Variants in CARMIL2 observed in about 807,000 individuals in gnomAD.
CARMIL2 encodes capping protein, Arp2/3 and myosin-I linker protein 2.
In CARMIL2, 96 loss-of-function variants were observed where a neutral mutation model predicts 173.3. The ratio of observed to expected loss-of-function variants is 0.55; its 90% CI spans 0.47 to 0.66. The LOEUF (loss-of-function observed/expected upper bound fraction) is 0.66, where lower values mean the gene tolerates loss of function less well. Among genes scored for constraint, CARMIL2 ranks in the 30% least tolerant of loss-of-function variants. CARMIL2 has a pLI of 0.00. For synonymous variants in CARMIL2, 830 were observed against 817.1 expected, an observed-to-expected ratio of 1.02 and a Z score of -0.27; for missense variants, 1,771 against 1,906.7, an observed-to-expected ratio of 0.93 and a Z score of 1.33.
rs755847920 is a variant in CARMIL2, at chr16:67,645,948, G to T, written c.187-70G>T. ...GGCAGATCTGGCTCTGCCCCAGGCTGCCCAAAGGACTGGACTTCCATGAGG... is the reference window on the plus strand; with the variant it reads ...GGCAGATCTGGCTCTGCCCCAGGCTTCCCAAAGGACTGGACTTCCATGAGG... On this transcript the variant is annotated intron_variant, in intron 3 of 37. Transcript: ENST00000334583. The T allele has an allele frequency of 2.5e-4, 406 of 1,600,204 alleles. 1 individual carries two copies. Among genetic ancestry groups the T allele is most frequent in the Non-Finnish European group, 3.2e-4 (370 of 1,168,648 alleles).
In CARMIL2 at chr16:67,648,028, A is replaced by T. The variant is rs923856675; in HGVS notation, c.1072-24A>T. The T allele has an allele frequency of 4.3e-5, 70 of 1,609,578 alleles. No individual in the cohort carries two copies. The highest frequency in any genetic ancestry group is 5.8e-5 in the Non-Finnish European group (68 of 1,178,154). On this transcript the variant is annotated intron_variant, in intron 13 of 37. Transcript: ENST00000334583. This position sits in a 1 kb window ranked among gnomAD's most constrained non-coding sequence, Gnocchi z 6.1. ...CCCTGGGTAGGCGATCCCCCACTCCATCGCACCCCTGTCCTCCCTCCAGGG... is the reference window on the plus strand; with the variant it reads ...CCCTGGGTAGGCGATCCCCCACTCCTTCGCACCCCTGTCCTCCCTCCAGGG...
rs933382219 is a variant in CARMIL2, at chr16:67,645,905, C to T, written c.187-113C>T. 28 of 1,555,916 alleles carry T rather than the reference C, an allele frequency of 1.8e-5. No homozygotes were observed. In the East Asian group the frequency reaches 2.5e-4, roughly 14 times the overall value. ...GCACCAGCACTGGGCTCTGGGCAGC[C>T]GACAGGAGGGGAGTCCAGGCAGATC... On this transcript the variant is annotated intron_variant, in intron 3 of 37. Coordinates refer to ENST00000334583, the MANE Select transcript of CARMIL2 (RefSeq NM_001013838.3).
chr16:67,651,933 A>T lies in CARMIL2; in HGVS notation c.2601A>T (p.Leu867=). ...CTCCTGCCCTTAGGGACATGCGGCT[A>T]TCAATCACGGGGACCTTGGCAGAGA... ...DAFTRLRDMR[L]SITGTLAESI... The change falls in exon 26 of 38, where the codon CTA becomes CTT. Residue 867 remains leucine, a synonymous_variant. Transcript: ENST00000334583. The surrounding 1 kb of genome is among the most constrained non-coding windows in gnomAD (Gnocchi z 4.2). The T allele has an allele frequency of 2.5e-6, 4 of 1,613,582 alleles. No individual in the cohort carries two copies. The highest frequency in any genetic ancestry group is 3.4e-6 in the Non-Finnish European group (4 of 1,179,866).
At position 67,654,335 on chromosome 16, in the gene CARMIL2, G is replaced by C. The variant is rs2052792320; in HGVS notation, c.3225G>C (p.Trp1075Cys). 6.3e-7 allele frequency: 1 copy of C among 1,591,520 alleles called. No individual in the cohort carries two copies. Residue 1075 changes from tryptophan (W) to cysteine (C), a missense_variant, in exon 31 of 38, where the codon TGG becomes TGC. By Grantham distance (215) the Trp-to-Cys change is radical (BLOSUM62 -2). Coordinates refer to ENST00000334583, the MANE Select transcript of CARMIL2 (RefSeq NM_001013838.3). ...TCACTGCTGGGTGTCCCCACAGCTG[G>C]GCCCCCGAGGAGGACCCGGCCACTG... ...SKRLIQQDRL[W>C]APEEDPATEG...
chr16:67,649,133 G>C lies in CARMIL2; in HGVS notation c.1649G>C (p.Arg550Thr). ...GCCATCGGGAGAAGCCGGTCCCTGA[G>C]ACATGTGGCGCTTGGAAGGAACTTC... ...VLAIGRSRSLRHVALGRNFNV... is the reference protein window; with the variant it reads ...VLAIGRSRSLTHVALGRNFNV... Residue 550 changes from arginine (R) to threonine (T), a missense_variant, in exon 18 of 38, where the codon AGA (arginine) becomes ACA (threonine). Around this residue, in one of 3 missense-constraint regions of CARMIL2, gnomAD observed 944 missense variants for 975.6 expected, o/e 0.97. Coordinates refer to ENST00000334583, the MANE Select transcript of CARMIL2 (RefSeq NM_001013838.3). This position sits in a 1 kb window ranked among gnomAD's most constrained non-coding sequence, Gnocchi z 6.7. 2 of 1,613,636 alleles carry C rather than the reference G, an allele frequency of 1.2e-6. No homozygotes were observed. Among genetic ancestry groups the C allele is most frequent in the Non-Finnish European group, 8.5e-7 (1 of 1,179,816 alleles).
chr16:67,651,406 C>T lies in CARMIL2; in HGVS notation c.2319C>T (p.Leu773=), dbSNP rs1259747038. 1 of 1,591,892 alleles carries T rather than the reference C, an allele frequency of 6.3e-7. No homozygotes were observed. The highest frequency in any genetic ancestry group is 1.3e-5 in the African/African-American group (1 of 74,406). ...IQNANFSLSI[L]PILYEAGSSP... ...TTTTCCTCTTTGGCCCTCAGATTCT[C>T]CCCATTCTATATGAAGCTGGAAGCT... The change falls in exon 24 of 38, where the codon CTC becomes CTT. Residue 773 remains leucine, a synonymous_variant. Coordinates refer to ENST00000334583, the MANE Select transcript of CARMIL2 (RefSeq NM_001013838.3). This position sits in a 1 kb window ranked among gnomAD's most constrained non-coding sequence, Gnocchi z 4.2.
Position 67,653,228 on chromosome 16 carries a change from C to T in CARMIL2, c.3094C>T (p.His1032Tyr), listed in dbSNP as rs944432871. 6.1e-6 allele frequency: 7 copies of T among 1,139,908 alleles called. No homozygotes were observed. The African/African-American group carries it at 1.1e-4, about 19-fold the overall frequency. 70.6% of individuals were successfully genotyped at this position (1,139,908 alleles called of 1,614,324 possible). ...GCCGCGGCCGCGCCGCCAGCACCAC[C>T]ACCGCCCGCCGCCGGGGGGCCCCCA... Reference protein sequence around the residue: ...ARPRPRRQHHHRPPPGGPQVP... With the variant: ...ARPRPRRQHHYRPPPGGPQVP... The change falls in exon 29 of 38, where the codon CAC becomes TAC. Residue 1032 changes from histidine (H) to tyrosine (Y), a missense_variant. His to Tyr is a moderately conservative substitution (Grantham distance 83). Around this residue, in one of 3 missense-constraint regions of CARMIL2, gnomAD observed 817 missense variants for 903.5 expected, o/e 0.90. Transcript: ENST00000334583. This position sits in a 1 kb window ranked among gnomAD's most constrained non-coding sequence, Gnocchi z 7.4.
At position 67,653,329 on chromosome 16, in the gene CARMIL2, T is replaced by A; in HGVS notation, c.3120+75T>A. The A allele has an allele frequency of 2.7e-6, 2 of 738,256 alleles. No homozygotes were observed. The highest frequency in any genetic ancestry group is 3.5e-6 in the Non-Finnish European group (2 of 578,924). The allele number at this position is 738,256 out of a possible 1,614,324, so 45.7% of individuals were successfully genotyped here. A position where few individuals can be genotyped will look rare whatever the true frequency, so the allele number is the denominator to read the frequency against. On this transcript the variant is annotated intron_variant, in intron 29 of 37. Transcript: ENST00000334583. The surrounding 1 kb of genome is among the most constrained non-coding windows in gnomAD (Gnocchi z 7.4). The stretch of plus-strand genomic sequence containing the variant: ...TGGCCCGGCCGCTCCTCATGGGTGG[T>A]AGCGGTCAAGGAGAGGGGGTGGTGG...
Position 67,651,792 on chromosome 16 carries a change from C to T in CARMIL2, c.2535C>T (p.Gly845=). 6.2e-7 allele frequency: 1 copy of T among 1,609,766 alleles called. No homozygotes were observed. Among genetic ancestry groups the T allele is most frequent in the Non-Finnish European group, 8.5e-7 (1 of 1,178,660 alleles). The change falls in exon 25 of 38, where the codon GGC becomes GGT. Residue 845 remains glycine (G), a synonymous_variant. Coordinates refer to ENST00000334583, the MANE Select transcript of CARMIL2 (RefSeq NM_001013838.3). The surrounding 1 kb of genome is among the most constrained non-coding windows in gnomAD (Gnocchi z 4.2). Reference sequence around the variant, plus strand: ...AGGGGGTCCTGGCAGGCTCGAGGGGCCTCCCGGAGCTGCTCCCAGAGCAGC... The same window carrying T: ...AGGGGGTCCTGGCAGGCTCGAGGGGTCTCCCGGAGCTGCTCCCAGAGCAGC... ...QLEGVLAGSR[G]LPELLPEQLL...
Position 67,656,635 on chromosome 16 carries a change from C to T in CARMIL2, c.4026C>T (p.Pro1342=). 1.9e-6 allele frequency: 3 copies of T among 1,589,852 alleles called. No homozygotes were observed. The highest frequency in any genetic ancestry group is 2.6e-6 in the Non-Finnish European group (3 of 1,169,004). The change falls in exon 35 of 38, where the codon CCC becomes CCT. Residue 1342 remains proline, a synonymous_variant. Coordinates refer to ENST00000334583, the MANE Select transcript of CARMIL2 (RefSeq NM_001013838.3). ...TCCCAGAGGACCCTTGCTTGGGCCC[C>T]AGAAATGAAGGTAGGCAGGCACCTG... is the stretch of plus-strand genomic sequence containing the variant. The part of the protein sequence containing the change: ...LGLPEDPCLG[P]RNEDGQLRPR...
At position 67,646,933 on chromosome 16, in the gene CARMIL2, C is replaced by A; in HGVS notation, c.571C>A (p.Arg191Ser). 1.9e-6 allele frequency: 3 copies of A among 1,613,728 alleles called. No individual in the cohort carries two copies. Among genetic ancestry groups the A allele is most frequent in the Non-Finnish European group, 2.5e-6 (3 of 1,179,880 alleles). The change falls in exon 8 of 38, where the codon CGC becomes AGC. Residue 191 changes from arginine (R) to serine (S), a missense_variant. Arg to Ser is a moderately radical substitution (Grantham distance 110). Transcript: ENST00000334583. The surrounding 1 kb of genome is among the most constrained non-coding windows in gnomAD (Gnocchi z 4.6). ...CACCATTTACCATCGCCAGGGCTGC[C>A]GCCATTTCAGCCTGGGAGACTTCAG... Reference protein sequence around the residue: ...VDTIYHRQGCRHFSLGDFSHL... With the variant: ...VDTIYHRQGCSHFSLGDFSHL...
chr16:67,649,033 A>G lies in CARMIL2; in HGVS notation c.1592-43A>G. 1 of 1,603,134 alleles carries G rather than the reference A, an allele frequency of 6.2e-7. No homozygotes were observed. Among genetic ancestry groups the G allele is most frequent in the Non-Finnish European group, 8.5e-7 (1 of 1,175,276 alleles). On this transcript the variant is annotated intron_variant, in intron 17 of 37. Coordinates refer to ENST00000334583, the MANE Select transcript of CARMIL2 (RefSeq NM_001013838.3). The surrounding 1 kb of genome is among the most constrained non-coding windows in gnomAD (Gnocchi z 6.7). ...CCACTCGATTCCCAATCCCCACCCT[A>G]CCCTTGCAACTTCGCCTCGTGCGTG...
Position 67,654,920 on chromosome 16 carries a change from G to A in CARMIL2, c.3705+20G>A. On this transcript the variant is annotated intron_variant, in intron 32 of 37. Transcript: ENST00000334583. The stretch of plus-strand genomic sequence containing the variant: ...AAGCAAGTGAGTTGAGGGGACCTGA[G>A]CATGAAGTGAGAGGGCAGATGGCAT... 1 of 1,612,784 alleles carries A rather than the reference G, an allele frequency of 6.2e-7. No individual in the cohort carries two copies. The highest frequency in any genetic ancestry group is 8.5e-7 in the Non-Finnish European group (1 of 1,179,562).
Position 67,649,386 on chromosome 16 carries a change from C to T in CARMIL2, c.1747-61C>T. The T allele has an allele frequency of 6.2e-7, 1 of 1,609,708 alleles. No individual in the cohort carries two copies. The highest frequency in any genetic ancestry group is 8.5e-7 in the Non-Finnish European group (1 of 1,178,994). ...CCTCCTTTCTCTTGTTCCCTCAGAC[C>T]CTGTGACCTGCCCTCACTGACCCCT... On this transcript the variant is annotated intron_variant, in intron 19 of 37. Transcript: ENST00000334583. The surrounding 1 kb of genome is among the most constrained non-coding windows in gnomAD (Gnocchi z 6.7).
rs903903641 is a variant in CARMIL2, at chr16:67,653,738, C to T, written c.3121-411C>T. On this transcript the variant is annotated intron_variant, in intron 29 of 37. Transcript: ENST00000334583. The surrounding 1 kb of genome is among the most constrained non-coding windows in gnomAD (Gnocchi z 7.4). Reference sequence around the variant, plus strand: ...TTGAGGCCCCCCAGAGGGTCTGACGCAGCAGCCGGCGCCACTGAGCCGGCA... The same window carrying T: ...TTGAGGCCCCCCAGAGGGTCTGACGTAGCAGCCGGCGCCACTGAGCCGGCA... Among the ~76,000 whole-genome samples the T allele has an allele frequency of 6.6e-6, 1 of 151,700 alleles. No individual in the cohort carries two copies. The highest frequency in any genetic ancestry group is 1.5e-5 in the Non-Finnish European group (1 of 67,906).
rs1270112047 is a variant in CARMIL2, at chr16:67,647,764, G to T, written c.956G>T (p.Arg319Leu). The T allele has an allele frequency of 2.0e-6, 3 of 1,497,528 alleles. No homozygotes were observed. The highest frequency in any genetic ancestry group is 2.4e-5 in the South Asian group (2 of 83,500). 92.8% of individuals were successfully genotyped at this position (1,497,528 alleles called of 1,614,324 possible). The change falls in exon 12 of 38, where the codon CGA becomes CTA. Residue 319 changes from arginine to leucine, a missense_variant and splice_region_variant. Coordinates refer to ENST00000334583, the MANE Select transcript of CARMIL2 (RefSeq NM_001013838.3). ...CTGGCCCAGACAGGGTTGACACCGC[G>T]AGGTAGGCTGGATGAGGGAGGGGGT... is the stretch of plus-strand genomic sequence containing the variant. ...LSLAQTGLTP[R>L]GMRALGRALA...
chr16:67,654,895 A>G lies in CARMIL2; in HGVS notation c.3700A>G (p.Lys1234Glu), dbSNP rs2052812234. ...CAGCGGGGGTGCCGAAGGCAAGAGGAAGCAAGTGAGTTGAGGGGACCTGAG... is the reference window on the plus strand; with the variant it reads ...CAGCGGGGGTGCCGAAGGCAAGAGGGAGCAAGTGAGTTGAGGGGACCTGAG... ...RGSGGAEGKR[K>E]QSKDGEIKKA... The change falls in exon 32 of 38, where the codon AAG becomes GAG. Residue 1234 changes from lysine (K) to glutamate (E), a missense_variant. By Grantham distance (56) the Lys-to-Glu change is moderately conservative. Coordinates refer to ENST00000334583, the MANE Select transcript of CARMIL2 (RefSeq NM_001013838.3). 1.9e-6 allele frequency: 3 copies of G among 1,613,650 alleles called. No homozygotes were observed. Among genetic ancestry groups the G allele is most frequent in the Non-Finnish European group, 2.5e-6 (3 of 1,179,874 alleles).
At position 67,651,265 on chromosome 16, in the gene CARMIL2, G is replaced by A. The variant is rs372182646; in HGVS notation, c.2263G>A (p.Ala755Thr). Reference protein sequence around the residue: ...GCGAGPQGEAAVRQAEDAIQN... With the variant: ...GCGAGPQGEATVRQAEDAIQN... Reference sequence around the variant, plus strand: ...TGGGGCTGGGCCCCAGGGTGAAGCCGCTGTGCGCCAGGCCGAGGATGCCAT... The same window carrying A: ...TGGGGCTGGGCCCCAGGGTGAAGCCACTGTGCGCCAGGCCGAGGATGCCAT... Residue 755 changes from alanine (A) to threonine (T), a missense_variant, in exon 23 of 38, where the codon GCT (alanine) becomes ACT (threonine). Transcript: ENST00000334583. This position sits in a 1 kb window ranked among gnomAD's most constrained non-coding sequence, Gnocchi z 4.2. The A allele has an allele frequency of 2.3e-5, 37 of 1,613,532 alleles. No individual in the cohort carries two copies. The highest frequency in any genetic ancestry group is 3.3e-4 in the Middle Eastern group (2 of 6,060).
chr16:67,656,066 T>C lies in CARMIL2; in HGVS notation c.3741T>C (p.Asp1247=), dbSNP rs778499347. Reference sequence around the variant, plus strand: ...GCGAGATCAAGAAAGCTGGCTCAGATGGTAAGTGGGACCCTGGGGTGTGGC... The same window carrying C: ...GCGAGATCAAGAAAGCTGGCTCAGACGGTAAGTGGGACCCTGGGGTGTGGC... ...KDGEIKKAGS[D]GDIMDSSTEA... Residue 1247 remains aspartate (D), a splice_region_variant and synonymous_variant, in exon 33 of 38, where the codon GAT becomes GAC. Coordinates refer to ENST00000334583, the MANE Select transcript of CARMIL2 (RefSeq NM_001013838.3). 6.9e-6 allele frequency: 11 copies of C among 1,605,092 alleles called. No individual in the cohort carries two copies. In the African/African-American group the frequency reaches 1.5e-4, roughly 21 times the overall value.
Sources: allele counts gnomAD v4.1 joint callset (sites outside exome capture counted in the v4.1 genomes callset), GRCh38; gene constraint gnomAD v4.1.1; regional missense constraint gnomAD v4.1.1; non-coding constraint Gnocchi (gnomAD v3.1); transcripts MANE v1.5; gene names NCBI Gene and HGNC (gene_info 2026-07-23, HGNC 2026-07-21).